ATP8A1: variants seen among roughly 807,000 people sequenced by gnomAD.
ATP8A1 encodes phospholipid-transporting ATPase IA.
In ATP8A1, 90 loss-of-function variants were observed where a neutral mutation model predicts 177.7. The observed-to-expected ratio is 0.51, with a 90% CI of 0.43 to 0.60. The LOEUF (loss-of-function observed/expected upper bound fraction) is 0.60, where lower values mean the gene tolerates loss of function less well. ATP8A1 is among the 20% of genes least tolerant of loss of function. The pLI is 0.00. For synonymous variants in ATP8A1, 493 were observed against 485.9 expected (o/e 1.01, Z -0.19); for missense variants, 1,072 against 1,392.8 (o/e 0.77, Z 3.67).
intron 1 of ATP8A1, among the ~76,000 whole-genome samples, chr4:42,649,883 C>T (rs1363472703): frequency 6.6e-6 from 1 of 152,158 alleles, no homozygotes; most frequent in Non-Finnish European, 1.5e-5. Context: ...AGGCAATGTC[C>T]TCATGGGGAG....
intron 1 of ATP8A1, 124 bp downstream of exon 1, chr4:42,656,701 C>G (rs747861022): frequency 1.7e-4 from 205 of 1,178,510 alleles, no homozygotes; most frequent in Non-Finnish European, 2.2e-4. Flanking sequence ...AGGGGCCGGG[C>G]GCGACAGTCG....
intron 30 of ATP8A1, among the ~76,000 whole-genome samples, chr4:42,447,671 T>C (rs1717431791): frequency 6.6e-6 from 1 of 152,140 alleles, no homozygotes; most frequent in African/African-American, 2.4e-5. Context: ...CAGAGTCAAA[T>C]ATGTAAGGGC....
intron 27 of ATP8A1, chr4:42,459,531 TTC>T: frequency 2.8e-6 from 1 of 353,988 alleles, no homozygotes; most frequent in South Asian, 2.4e-5. Context: ...AATGTCAGTG[TTC>T]TGGAATGAGA....
chr4:42,527,366 C>T (rs975690506), intron 20 of ATP8A1, among the ~76,000 whole-genome samples: 2 of 152,146 alleles, frequency 1.3e-5, no homozygotes, highest in South Asian at 2.1e-4. Flanking sequence ...GTGGGAGGAC[C>T]CTGATGAAGC....
At chr4:42,560,098 G>A (rs1730656251) in intron 15 of ATP8A1, among the ~76,000 whole-genome samples, 1 of 152,146 alleles carries the variant, frequency 6.6e-6, no homozygotes. Flanking sequence ...TACAAACAAA[G>A]GGAAGCTTTT....
At chr4:42,480,079 C>T (rs919094271) in intron 25 of ATP8A1, among the ~76,000 whole-genome samples, 5 of 150,158 alleles carry the variant, frequency 3.3e-5, no homozygotes, top group African/African-American at 1.2e-4. Context: ...AAAGGAGTCA[C>T]ACCTAAAACT....
At chr4:42,506,655 G>A (rs1020520576) in intron 23 of ATP8A1, among the ~76,000 whole-genome samples, 2 of 152,106 alleles carry the variant, frequency 1.3e-5, no homozygotes, top group African/African-American at 4.8e-5. Context: ...CCCAGTGTGT[G>A]GTACGCTCTT....
At chr4:42,536,949 G>A (rs1020187854) in intron 20 of ATP8A1, among the ~76,000 whole-genome samples, 2 of 152,040 alleles carry the variant, frequency 1.3e-5, no homozygotes, top group Non-Finnish European at 2.9e-5. Flanking sequence ...TGGCCAACAT[G>A]GAGAAACCCT....
At chr4:42,597,527 G>A (rs1002579217) in intron 6 of ATP8A1, among the ~76,000 whole-genome samples, 6 of 152,028 alleles carry the variant, frequency 3.9e-5, no homozygotes, top group Non-Finnish European at 7.4e-5. Flanking sequence ...AACACTTGTC[G>A]AATGAATAGT....
intron 16 of ATP8A1, among the ~76,000 whole-genome samples, chr4:42,553,351 T>C (rs1332889359): frequency 6.6e-6 from 1 of 152,164 alleles, no homozygotes; most frequent in Non-Finnish European, 1.5e-5. Flanking sequence ...GTGATAATGA[T>C]TGAGGATTTT....
At chr4:42,431,384 CA>C (rs1715285504) in intron 33 of ATP8A1, among the ~76,000 whole-genome samples, 2 of 152,076 alleles carry the variant, frequency 1.3e-5, no homozygotes, top group Admixed American at 6.6e-5. Context: ...GAAGAACTTA[CA>C]ATTTAATGAT....
At chr4:42,540,910 T>C (rs1425574800) in intron 20 of ATP8A1, among the ~76,000 whole-genome samples, 1 of 152,120 alleles carries the variant, frequency 6.6e-6, no homozygotes, top group East Asian at 1.9e-4. Flanking sequence ...CCACAAAAGA[T>C]GTATTGTACT....
At position 42,452,843 on chromosome 4, in the gene ATP8A1, CA is replaced by C. The variant is rs1197657085; in HGVS notation, c.2818-785del. Among the ~76,000 whole-genome samples the C allele has an allele frequency of 6.6e-5, 10 of 152,262 alleles. No individual in the cohort carries two copies. In the East Asian group the frequency reaches 1.9e-3, roughly 29 times the overall value. ...GTCATTTAAAAGTGCTTCTTGCAAA[CA>C]AAACTTATGCTAAATAAAACTGGCA... On this transcript the variant is annotated intron_variant, in intron 29 of 36. Coordinates refer to ENST00000381668, the MANE Select transcript of ATP8A1 (RefSeq NM_006095.2).
At position 42,493,903 on chromosome 4, in the gene ATP8A1, G is replaced by C. The variant is rs78430360; in HGVS notation, c.2152-8235C>G. ...TTCCTCTGGTATCAGGTCTAACAAA[G>C]GTACTAACACGAAACGCGCCAGGTC... On this transcript the variant is annotated intron_variant, in intron 24 of 36. Transcript: ENST00000381668. Among the ~76,000 whole-genome samples the C allele has an allele frequency of 4.0e-3, 613 of 152,124 alleles. 4 individuals are homozygous for C. The highest frequency in any genetic ancestry group is 0.014 in the African/African-American group (591 of 41,498).
At position 42,410,834 on chromosome 4, in the gene ATP8A1, T is replaced by G. The variant is rs1712512005; in HGVS notation, c.*2082A>C. The G allele has an allele frequency of 6.6e-6, 1 of 152,238 alleles. No homozygotes were observed. The highest frequency in any genetic ancestry group is 6.5e-5 in the Admixed American group (1 of 15,282). The allele number at this position is 152,238 out of a possible 1,614,324, so 9.4% of individuals were successfully genotyped here. ...CCATAATGTTTTTATATTAAAATTC[T>G]GCAGAAGGGTGCCACTGATGAAGTG... On this transcript the variant is annotated 3_prime_UTR_variant, in exon 37 of 37. Coordinates refer to ENST00000381668, the MANE Select transcript of ATP8A1 (RefSeq NM_006095.2).
Position 42,599,586 on chromosome 4 carries a change from G to A in ATP8A1, c.450+892C>T, listed in dbSNP as rs575159626. On this transcript the variant is annotated intron_variant, in intron 6 of 36. Coordinates refer to ENST00000381668, the MANE Select transcript of ATP8A1 (RefSeq NM_006095.2). ...GAAATTTAATTAATTTTTAATTGGG[G>A]GGTACAAGATATCCCCTGCAGAAAT... Among the ~76,000 whole-genome samples, 8 of 152,178 alleles carry A rather than the reference G, an allele frequency of 5.3e-5. No homozygotes were observed. In the South Asian group the frequency reaches 6.2e-4, roughly 12 times the overall value.
chr4:42,468,419 T>C (rs1405883733), intron 25 of ATP8A1, among the ~76,000 whole-genome samples: 1 of 126,980 alleles, frequency 7.9e-6, no homozygotes, highest in Admixed American at 8.4e-5. Context: ...ATACATATTT[T>C]ATATATTTTA....
intron 15 of ATP8A1, among the ~76,000 whole-genome samples, chr4:42,563,661 T>A (rs1030494898): frequency 6.6e-6 from 1 of 152,150 alleles, no homozygotes; most frequent in African/African-American, 2.4e-5. Flanking sequence ...GTCCCCATGC[T>A]GTGTGCAGTC....
rs190185923 is a variant in ATP8A1, at chr4:42,473,009, G to A, written c.2325-7933C>T. ...AAAAGGCAAGAAGAATATTGACAGC[G>A]GAAAAGTATCAGGGAAGTTCTAGAT... is the stretch of plus-strand genomic sequence containing the variant. On this transcript the variant is annotated intron_variant, in intron 25 of 36. Coordinates refer to ENST00000381668, the MANE Select transcript of ATP8A1 (RefSeq NM_006095.2). 8.5e-5 allele frequency among the ~76,000 whole-genome samples: 13 copies of A among 152,202 alleles called. No individual in the cohort carries two copies. The East Asian group carries it at 2.3e-3, about 27-fold the overall frequency.
Sources: allele counts gnomAD v4.1 joint callset (sites outside exome capture counted in the v4.1 genomes callset), GRCh38; gene constraint gnomAD v4.1.1; transcripts MANE v1.5; gene names NCBI Gene and HGNC (gene_info 2026-07-23, HGNC 2026-07-21).